The following PCDH15 variants were observed in gnomAD, a reference collection of about 807,000 sequenced individuals.
PCDH15 encodes protocadherin-15.
A neutral mutation model predicts 178.5 loss-of-function variants in PCDH15; 129 were observed. The observed-to-expected ratio is 0.72, with a 90% CI of 0.63 to 0.84. The LOEUF (loss-of-function observed/expected upper bound fraction) is 0.84, where lower values mean the gene tolerates loss of function less well. Among genes scored for constraint, PCDH15 ranks in the 40% least tolerant of loss-of-function variants. The pLI, the probability that PCDH15 is intolerant of heterozygous loss-of-function variation, is 0.00. For missense variants in PCDH15, 2,230 were observed against 2,099.9 expected, an observed-to-expected ratio of 1.06 and a Z score of -1.21; for synonymous variants, 800 against 732.0, an observed-to-expected ratio of 1.09 and a Z score of -1.50.
At position 54,779,488 on chromosome 10, in the gene PCDH15, G is replaced by A. The variant is rs1028453978; in HGVS notation, c.-29+21437C>T. 2.5e-3 allele frequency among the ~76,000 whole-genome samples: 135 copies of A among 53,304 alleles called. 2 individuals carry two copies. Among genetic ancestry groups the A allele is most frequent in the Admixed American group, 3.3e-3 (17 of 5,144 alleles). 35.0% of individuals were successfully genotyped at this position (53,304 alleles called of 152,430 possible). A position where few individuals can be genotyped will look rare whatever the true frequency, so the allele number is the denominator to read the frequency against. ...TGTATATATATACACACATATATAT[G>A]TATATATATACACACATATATGTGT... On this transcript the variant is annotated intron_variant, in intron 1 of 37. Coordinates refer to ENST00000644397, the MANE Select transcript of PCDH15 (RefSeq NM_001384140.1).
intron 6 of PCDH15, among the ~76,000 whole-genome samples, chr10:54,345,829 A>G (rs144288710): frequency 9.9e-4 from 136 of 137,196 alleles, no homozygotes; most frequent in East Asian, 7.5e-3. Flanking sequence ...AAAAAAAAAA[A>G]AAAAAGAAAT....
At chr10:54,548,626 ATATATAAATATATAATACT>A (rs1162285212) in intron 2 of PCDH15, among the ~76,000 whole-genome samples, 2 of 61,506 alleles carry the variant, frequency 3.3e-5, no homozygotes, top group East Asian at 4.2e-3. Flanking sequence ...AGTATATATT[ATATATAAATATATAATACT>A]TATATAAATA....
intron 1 of PCDH15, among the ~76,000 whole-genome samples, chr10:54,668,464 C>A (rs908507024): frequency 6.6e-6 from 1 of 152,114 alleles, no homozygotes; most frequent in Non-Finnish European, 1.5e-5. Context: ...ACTATTCCGA[C>A]AACCCTGACA....
chr10:54,717,805 T>C lies in PCDH15; in HGVS notation c.-28-53515A>G, dbSNP rs1161245040. 2.8e-5 allele frequency among the ~76,000 whole-genome samples: 4 copies of C among 143,192 alleles called. 1 individual carries two copies. The highest frequency in any genetic ancestry group is 2.7e-5 in the African/African-American group (1 of 37,442). 93.9% of individuals were successfully genotyped at this position (143,192 alleles called of 152,430 possible). On this transcript the variant is annotated intron_variant, in intron 1 of 37. Transcript: ENST00000644397. The stretch of plus-strand genomic sequence containing the variant: ...TAAATCATGCTGCTATAAAGACACA[T>C]GCACACGTATGTTTACTGCGGCACT...
chr10:54,346,234 CA>C, intron 6 of PCDH15, 130 bp downstream of exon 6: 1 of 859,452 alleles, frequency 1.2e-6, no homozygotes, highest in Non-Finnish European at 1.8e-6. Context: ...AATTTTGAGA[CA>C]TTTTTAAATA....
At position 55,079,775 on chromosome 10, in the gene PCDH15, C is replaced by T. The variant is rs377593624; in HGVS notation, c.-80+86801G>A. On this transcript the variant is annotated intron_variant, in intron 2 of 5. Transcript: ENST00000458638. ...TTGGTCCTTAGGCTTCTATATGGTGCGCGTGAGTGATCCTGTCTTCAGGTT... is the reference window on the plus strand; with the variant it reads ...TTGGTCCTTAGGCTTCTATATGGTGTGCGTGAGTGATCCTGTCTTCAGGTT... Among the ~76,000 whole-genome samples the T allele has an allele frequency of 1.3e-4, 20 of 152,080 alleles. No homozygotes were observed. The East Asian group carries it at 1.7e-3, about 13-fold the overall frequency.
At chr10:54,613,797 G>A (rs2093042536) in intron 2 of PCDH15, among the ~76,000 whole-genome samples, 1 of 151,366 alleles carries the variant, frequency 6.6e-6, no homozygotes, top group Non-Finnish European at 1.5e-5. Flanking sequence ...GTGGCAAATG[G>A]TTTCATTGAT....
At chr10:54,537,018 T>TTTTTTTTAG (rs2084625288) in intron 2 of PCDH15, among the ~76,000 whole-genome samples, 1 of 122,668 alleles carries the variant, frequency 8.2e-6, no homozygotes, top group Non-Finnish European at 1.8e-5. Context: ...TTTTTTTTTT[T>TTTTTTTTAG]GAGACGGCGT....
intron 1 of PCDH15, among the ~76,000 whole-genome samples, chr10:54,767,172 C>T (rs17508576): frequency 0.093 from 14,059 of 151,868 alleles, 813 homozygotes; most frequent in East Asian, 0.14. Flanking sequence ...AAATTTATTA[C>T]GAGTTCAAAA....
At chr10:54,790,439 A>C (rs1951299489) in intron 1 of PCDH15, among the ~76,000 whole-genome samples, 1 of 151,880 alleles carries the variant, frequency 6.6e-6, no homozygotes, top group Admixed American at 6.6e-5. Context: ...CCCAATAGTT[A>C]AACTTGGCCT....
chr10:55,584,102 A>G (rs1387469551), intron 2 of PCDH15, among the ~76,000 whole-genome samples: 1 of 151,972 alleles, frequency 6.6e-6, no homozygotes, highest in African/African-American at 2.4e-5. Context: ...CAAGCTGGAC[A>G]ATAACTCTTG....
intron 2 of PCDH15, among the ~76,000 whole-genome samples, chr10:54,944,585 C>CCAATCCAT (rs1159515296): frequency 1.5e-4 from 23 of 151,982 alleles, no homozygotes; most frequent in African/African-American, 5.5e-4. Context: ...TATACAGACG[C>CCAATCCAT]TGTTGACTAA....
intron 3 of PCDH15, among the ~76,000 whole-genome samples, chr10:54,444,101 CAA>C (rs1369482117): frequency 6.6e-6 from 1 of 151,600 alleles, no homozygotes; most frequent in Non-Finnish European, 1.5e-5. Flanking sequence ...CTGCAACAAA[CAA>C]GAGGTAAGGG....
intron 1 of PCDH15, among the ~76,000 whole-genome samples, chr10:55,178,050 A>G (rs1839543603): frequency 6.6e-6 from 1 of 152,178 alleles, no homozygotes; most frequent in East Asian, 1.9e-4. Context: ...GATTCTAAGT[A>G]TGTTTTCCTA....
chr10:53,854,566 C>G (rs1304155581), intron 28 of PCDH15, among the ~76,000 whole-genome samples: 3 of 151,872 alleles, frequency 2.0e-5, no homozygotes, highest in Non-Finnish European at 4.4e-5. Context: ...AGTAGCTTGT[C>G]CAGAGGTTAC....
chr10:53,828,462 GGAA>G (rs2132596079), intron 31 of PCDH15, 100 bp downstream of exon 31: 1 of 972,362 alleles, frequency 1.0e-6, no homozygotes, highest in East Asian at 2.4e-5. Context: ...GCAAAACAAG[GGAA>G]TAAGATGTGG....
intron 5 of PCDH15, among the ~76,000 whole-genome samples, chr10:54,361,927 G>A (rs997632050): frequency 6.6e-6 from 1 of 151,972 alleles, no homozygotes; most frequent in Non-Finnish European, 1.5e-5. Context: ...GAATGTTTTG[G>A]TTACTGACTT....
chr10:53,926,909 T>C (rs1356336780), intron 25 of PCDH15, among the ~76,000 whole-genome samples: 1 of 152,120 alleles, frequency 6.6e-6, no homozygotes. Flanking sequence ...AGCGCTAATC[T>C]CACCTTGTGG....
chr10:55,436,907 A>G (rs1839054442), intron 2 of PCDH15, among the ~76,000 whole-genome samples: 1 of 152,144 alleles, frequency 6.6e-6, no homozygotes, highest in African/African-American at 2.4e-5. Flanking sequence ...AAACTTCATA[A>G]AGGGTTATCT....
Sources: gnomAD v4.1 joint callset for allele counts (sites outside exome capture counted in the v4.1 genomes callset) on GRCh38, gnomAD v4.1.1 for gene constraint, MANE v1.5 for transcripts, NCBI Gene and HGNC (gene_info 2026-07-23, HGNC 2026-07-21) for gene names.